The following ATP10B variants were observed in gnomAD, a reference collection of about 807,000 sequenced individuals.
ATP10B encodes the protein ATPase phospholipid transporting 10B (putative), also known as phospholipid-transporting ATPase VB.
ATP10B carries 122 observed loss-of-function variants against 141.2 expected under a neutral mutation model. The ratio of observed to expected loss-of-function variants is 0.86; its 90% confidence interval spans 0.75 to 1.00. The LOEUF (loss-of-function observed/expected upper bound fraction) is 1.00, where lower values mean the gene tolerates loss of function less well. Ranked by LOEUF, ATP10B falls within the 50% of genes least tolerant of loss-of-function variation. The pLI is 0.00. For synonymous variants in ATP10B, 685 were observed against 692.0 expected (o/e 0.99, Z 0.16); for missense variants, 1,876 against 1,825.3 (o/e 1.03, Z -0.51).
intron 2 of ATP10B, among the ~76,000 whole-genome samples, chr5:160,740,243 G>A (rs1767372881): frequency 6.6e-6 from 1 of 152,114 alleles, no homozygotes; most frequent in Admixed American, 6.5e-5. Context: ...ATAATTTAAA[G>A]GATTTTCAAA....
chr5:160,666,496 G>C (rs904848540), intron 7 of ATP10B, among the ~76,000 whole-genome samples: 5 of 152,158 alleles, frequency 3.3e-5, no homozygotes, highest in Non-Finnish European at 7.3e-5. Flanking sequence ...AATAGCACCT[G>C]TCCTTCTCCT....
chr5:160,864,522 G>A, the ATP10B span, among the ~76,000 whole-genome samples: 1 of 151,646 alleles, frequency 6.6e-6, no homozygotes, highest in Non-Finnish European at 1.5e-5. Flanking sequence ...ACAAGACAAG[G>A]ATGCCCATTT....
At chr5:160,850,028 C>A (rs182368600) in intron 1 of ATP10B, among the ~76,000 whole-genome samples, 160 of 152,196 alleles carry the variant, frequency 1.1e-3, no homozygotes, top group African/African-American at 3.6e-3. Flanking sequence ...AGGAATCCAA[C>A]GAGTTTTAGT....
chr5:160,865,874 C>T, the ATP10B span, among the ~76,000 whole-genome samples: 1 of 152,146 alleles, frequency 6.6e-6, no homozygotes, highest in African/African-American at 2.4e-5. Context: ...TACCACTTTA[C>T]TCCTGCACAA....
chr5:160,876,379 C>T, the ATP10B span, among the ~76,000 whole-genome samples: 2 of 149,262 alleles, frequency 1.3e-5, no homozygotes, highest in Admixed American at 1.3e-4. Context: ...GGGACACATT[C>T]AAAGCAGTGT....
intron 19 of ATP10B, 57 bp from the exon 20 acceptor site, chr5:160,604,098 A>C: frequency 7.6e-7 from 1 of 1,324,178 alleles, no homozygotes; most frequent in Non-Finnish European, 1.1e-6. Context: ...AGTGACAATG[A>C]GGTAGCTCTA....
intron 1 of ATP10B, among the ~76,000 whole-genome samples, chr5:160,814,356 G>A (rs563904721): frequency 2.1e-4 from 32 of 152,108 alleles, no homozygotes; most frequent in African/African-American, 3.9e-4. Flanking sequence ...CTCAGTAGCC[G>A]ATTCGATCAA....
intron 2 of ATP10B, among the ~76,000 whole-genome samples, chr5:160,756,611 T>C (rs1210761882): frequency 2.6e-5 from 4 of 152,160 alleles, no homozygotes; most frequent in Non-Finnish European, 4.4e-5. Flanking sequence ...TTCATTTCCT[T>C]ATAGACTAAC....
Position 160,670,663 on chromosome 5 carries a change from C to T in ATP10B, c.475G>A (p.Glu159Lys). 5 of 1,613,194 alleles carry T rather than the reference C, an allele frequency of 3.1e-6. No individual in the cohort carries two copies. The highest frequency in any genetic ancestry group is 1.8e-4 in the Middle Eastern group (1 of 5,636). ...CSNIRIYERK[E>K]QTYVQKCWKD... is the part of the protein sequence containing the mutation. ...CAGCACTTCTGCACATAGGTCTGCTCTTTTCTTGGGTGAGAGAAAGACAGG... is the reference window on the plus strand; with the variant it reads ...CAGCACTTCTGCACATAGGTCTGCTTTTTTCTTGGGTGAGAGAAAGACAGG... The change falls in exon 7 of 26, where the codon GAG (glutamate) becomes AAG (lysine). Residue 159 changes from glutamate (E) to lysine (K), a missense_variant. Coordinates refer to ENST00000327245, the MANE Select transcript of ATP10B (RefSeq NM_025153.3).
At chr5:160,717,659 A>G (rs1765741702) in intron 2 of ATP10B, among the ~76,000 whole-genome samples, 1 of 152,222 alleles carries the variant, frequency 6.6e-6, no homozygotes, top group Non-Finnish European at 1.5e-5. Flanking sequence ...CGCTAAAACT[A>G]TTGTTATTCC....
At chr5:160,783,075 A>G (rs986038300) in intron 2 of ATP10B, among the ~76,000 whole-genome samples, 2 of 151,902 alleles carry the variant, frequency 1.3e-5, no homozygotes, top group South Asian at 2.1e-4. Flanking sequence ...GTTTGGTTAC[A>G]TAAGTTCTTT....
In ATP10B at chr5:160,719,093, G is replaced by C. The variant is rs1765830829; in HGVS notation, c.-330-2059C>G. ...TATTAGGTTGGTGCAAAAGTAATTG[G>C]GGTTTTTACCATTAAAAGTAATGGC... On this transcript the variant is annotated intron_variant, in intron 2 of 25. Transcript: ENST00000327245. Among the ~76,000 whole-genome samples the C allele has an allele frequency of 2.0e-5, 3 of 152,280 alleles. No homozygotes were observed. The South Asian group carries it at 6.2e-4, about 32-fold the overall frequency.
the ATP10B span, among the ~76,000 whole-genome samples, chr5:160,866,643 C>T: frequency 1.3e-5 from 2 of 152,138 alleles, no homozygotes; most frequent in Non-Finnish European, 2.9e-5. Flanking sequence ...CATTGCACTC[C>T]AGCCTGGGCA....
chr5:160,612,632 G>C, intron 18 of ATP10B, 109 bp downstream of exon 18: 1 of 903,074 alleles, frequency 1.1e-6, no homozygotes, highest in East Asian at 2.6e-5. Flanking sequence ...TTGGGGGTTG[G>C]GTGCTTCCCT....
At chr5:160,817,086 C>A (rs1007337360) in intron 1 of ATP10B, among the ~76,000 whole-genome samples, 14 of 152,264 alleles carry the variant, frequency 9.2e-5, no homozygotes, top group Non-Finnish European at 1.8e-4. Flanking sequence ...CCTTTGAAAA[C>A]TGGCACAAGA....
intron 2 of ATP10B, among the ~76,000 whole-genome samples, chr5:160,767,798 G>A (rs1299605934): frequency 6.6e-6 from 1 of 152,032 alleles, no homozygotes; most frequent in African/African-American, 2.4e-5. Context: ...TCTGAATATG[G>A]CAATTGCATG....
the ATP10B span, among the ~76,000 whole-genome samples, chr5:160,906,464 C>A: frequency 6.6e-6 from 1 of 152,166 alleles, no homozygotes. Context: ...AAGGAGGAGT[C>A]AGTGAAAGGT....
intron 2 of ATP10B, among the ~76,000 whole-genome samples, chr5:160,718,415 C>G (rs1484666530): frequency 1.3e-5 from 2 of 152,180 alleles, no homozygotes; most frequent in African/African-American, 4.8e-5. Flanking sequence ...ACTCTGCATT[C>G]TCCTTGTCTT....
chr5:160,731,167 T>C (rs1766714231), intron 2 of ATP10B, among the ~76,000 whole-genome samples: 1 of 152,208 alleles, frequency 6.6e-6, no homozygotes, highest in African/African-American at 2.4e-5. Flanking sequence ...ATTTTAAATA[T>C]TAAAAGTCTT....
Sources: gnomAD v4.1 joint callset for allele counts (sites outside exome capture counted in the v4.1 genomes callset) on GRCh38, gnomAD v4.1.1 for gene constraint, MANE v1.5 for transcripts, NCBI Gene and HGNC (gene_info 2026-07-23, HGNC 2026-07-21) for gene names.